Variants in UMODL1 observed in about 807,000 individuals in gnomAD.
The protein encoded by UMODL1 is uromodulin-like 1.
In UMODL1, 128 loss-of-function variants were observed where a neutral mutation model predicts 136.3. The ratio of observed to expected loss-of-function variants is 0.94; its 90% CI spans 0.81 to 1.09. The LOEUF (loss-of-function observed/expected upper bound fraction) is 1.09. UMODL1 is among the 50% of genes least tolerant of loss of function. UMODL1 has a pLI of 0.00. For synonymous variants in UMODL1, 721 were observed against 720.0 expected, an observed-to-expected ratio of 1.00 and a Z score of -0.02; for missense variants, 1,766 against 1,725.6, an observed-to-expected ratio of 1.02 and a Z score of -0.41.
At chr21:42,100,144 T>C (rs1353842912) in intron 7 of UMODL1, among the ~76,000 whole-genome samples, 1 of 152,084 alleles carries the variant, frequency 6.6e-6, no homozygotes, top group Non-Finnish European at 1.5e-5. Context: ...TCTGTGGCTG[T>C]GGGGTGTGAA....
At chr21:42,079,535 A>G (rs1296746240) in intron 2 of UMODL1, among the ~76,000 whole-genome samples, 2 of 152,198 alleles carry the variant, frequency 1.3e-5, no homozygotes, top group Non-Finnish European at 2.9e-5. Context: ...TGAGCCCCTC[A>G]GTAATGGCCC....
chr21:42,140,678 G>A (rs1377569761), intron 22 of UMODL1, among the ~76,000 whole-genome samples: 6 of 145,434 alleles, frequency 4.1e-5, no homozygotes, highest in Admixed American at 3.4e-4. Flanking sequence ...GGGGACACCA[G>A]GTGTCCCAGT....
At position 42,093,765 on chromosome 21, in the gene UMODL1, CG is replaced by C. The variant is rs201920670; in HGVS notation, c.931+3329del. Reference sequence around the variant, plus strand: ...CCACAAACGTTTCCTGGATCAATCACGGAAAGAGAGGTTTTCACAGTGGTCA... The same window carrying C: ...CCACAAACGTTTCCTGGATCAATCACGAAAGAGAGGTTTTCACAGTGGTCA... On this transcript the variant is annotated intron_variant, in intron 6 of 22. Transcript: ENST00000408910. 5.1e-3 allele frequency: 2,046 copies of C among 400,514 alleles called. 20 individuals are homozygous for C. Among genetic ancestry groups the C allele is most frequent in the African/African-American group, 0.015 (744 of 48,498 alleles). The allele number at this position is 400,514 out of a possible 1,614,324, so 24.8% of individuals were successfully genotyped here. A position where few individuals can be genotyped will look rare whatever the true frequency, so the allele number is the denominator to read the frequency against.
intron 22 of UMODL1, among the ~76,000 whole-genome samples, chr21:42,141,873 T>A (rs1228453005): frequency 6.6e-6 from 1 of 152,178 alleles, no homozygotes; most frequent in Non-Finnish European, 1.5e-5. Context: ...GTCAGGAGCA[T>A]CGCTCACCTG....
intron 20 of UMODL1, 195 bp downstream of exon 20, chr21:42,128,026 A>G (rs1165175253): frequency 1.1e-5 from 8 of 726,282 alleles, no homozygotes; most frequent in East Asian, 2.9e-5. Flanking sequence ...CGGAGGACTC[A>G]TGTGGACTGG....
At chr21:42,112,436 CCCAGCTGTTCTGTATCT>C (rs902237778) in intron 12 of UMODL1, among the ~76,000 whole-genome samples, 1 of 151,102 alleles carries the variant, frequency 6.6e-6, no homozygotes, top group Non-Finnish European at 1.5e-5. Flanking sequence ...GTTCTGCATC[CCCAGCTGTTCTGTATCT>C]GCCCAGCTGC....
In UMODL1 at chr21:42,085,625, G is replaced by A. The variant is rs996291151; in HGVS notation, c.603+213G>A. Among the ~76,000 whole-genome samples, 10 of 152,212 alleles carry A rather than the reference G, an allele frequency of 6.6e-5. No individual in the cohort carries two copies. The highest frequency in any genetic ancestry group is 1.2e-4 in the African/African-American group (5 of 41,446). ...GCAACAAAATGCACACAACTGAAGC[G>A]TGTAGTTGGCTGAGTTGTTATGTGT... On this transcript the variant is annotated intron_variant, in intron 4 of 22. Transcript: ENST00000408910. The surrounding 1 kb of genome is among the most constrained non-coding windows in gnomAD (Gnocchi z 4.5).
chr21:42,106,680 G>A (rs1043771601), intron 9 of UMODL1, among the ~76,000 whole-genome samples: 8 of 152,184 alleles, frequency 5.3e-5, no homozygotes, highest in South Asian at 4.1e-4. Context: ...CGCCCCCCGC[G>A]CCTATGAGTT....
intron 1 of UMODL1, among the ~76,000 whole-genome samples, chr21:42,065,746 A>C (rs1402534631): frequency 2.6e-5 from 4 of 151,976 alleles, no homozygotes; most frequent in Non-Finnish European, 4.4e-5. Context: ...GTTGGCCAGG[A>C]GGGCCTCGAT....
chr21:42,118,553 C>T (rs894821218), intron 14 of UMODL1, among the ~76,000 whole-genome samples: 7 of 152,138 alleles, frequency 4.6e-5, no homozygotes, highest in Non-Finnish European at 7.4e-5. Flanking sequence ...GCAGGGCGTT[C>T]GGGGGCAGGA....
chr21:42,141,530 T>C (rs1355308968), intron 22 of UMODL1, among the ~76,000 whole-genome samples: 1 of 152,266 alleles, frequency 6.6e-6, no homozygotes, highest in Non-Finnish European at 1.5e-5. Context: ...TAAGGAAATC[T>C]GGTGTATTGG....
At chr21:42,137,812 G>A (rs370060996) in intron 22 of UMODL1, among the ~76,000 whole-genome samples, 171 bp downstream of exon 22, 12 of 149,716 alleles carry the variant, frequency 8.0e-5, no homozygotes, top group Middle Eastern at 3.4e-3. Context: ...GAAGGTGGGT[G>A]CGGAGTGGGG....
chr21:42,103,862 G>A lies in UMODL1; in HGVS notation c.1300-6G>A. 3 of 1,614,026 alleles carry A rather than the reference G, an allele frequency of 1.9e-6. No homozygotes were observed. Among genetic ancestry groups the A allele is most frequent in the Non-Finnish European group, 2.5e-6 (3 of 1,179,978 alleles). Reference sequence around the variant, plus strand: ...TGGATGTCTGCTGTTGCCTCTTCTTGGCTAGGTCGAGAGCTCCTTCCCACC... The same window carrying A: ...TGGATGTCTGCTGTTGCCTCTTCTTAGCTAGGTCGAGAGCTCCTTCCCACC... On this transcript the variant is annotated splice_region_variant and splice_polypyrimidine_tract_variant and intron_variant, in intron 8 of 22. Transcript: ENST00000408910.
intron 22 of UMODL1, among the ~76,000 whole-genome samples, chr21:42,139,911 G>T (rs2067256777): frequency 6.6e-6 from 1 of 152,160 alleles, no homozygotes; most frequent in Non-Finnish European, 1.5e-5. Flanking sequence ...CCTCACATGG[G>T]CAGAATCACT....
chr21:42,091,497 T>C (rs1052783680), intron 6 of UMODL1, among the ~76,000 whole-genome samples: 2 of 152,110 alleles, frequency 1.3e-5, no homozygotes, highest in African/African-American at 4.8e-5. Flanking sequence ...ATCTGAAATG[T>C]AGGAAGGTGC....
chr21:42,071,619 T>C (rs1223029076), intron 1 of UMODL1, among the ~76,000 whole-genome samples: 2 of 151,982 alleles, frequency 1.3e-5, no homozygotes, highest in Admixed American at 6.5e-5. Flanking sequence ...ACTCCCCCAG[T>C]GGGAACCTGT....
chr21:42,068,926 T>C (rs1305337705), upstream of UMODL1, among the ~76,000 whole-genome samples: 2 of 152,234 alleles, frequency 1.3e-5, no homozygotes, highest in African/African-American at 4.8e-5. The surrounding 1 kb of genome is among the most constrained non-coding windows in gnomAD (Gnocchi z 5.5). Context: ...GGCACACCAG[T>C]GGCCTCCATT....
chr21:42,126,226 C>T, intron 17 of UMODL1, 119 bp from the exon 18 acceptor site: 1 of 1,438,944 alleles, frequency 6.9e-7, no homozygotes. Flanking sequence ...CTCGATGCTG[C>T]TGGGGAGAGG....
chr21:42,101,636 C>A (rs2066634802), intron 7 of UMODL1: 1 of 437,146 alleles, frequency 2.3e-6, no homozygotes, highest in Non-Finnish European at 4.6e-6. Context: ...AAGCTTTTTT[C>A]CATCTTTGCT....
Sources: gnomAD v4.1 joint callset for allele counts (sites outside exome capture counted in the v4.1 genomes callset) on GRCh38, gnomAD v4.1.1 for gene constraint, Gnocchi (gnomAD v3.1) non-coding constraint, MANE v1.5 for transcripts, NCBI Gene and HGNC (gene_info 2026-07-23, HGNC 2026-07-21) for gene names.